NEDD8: variants seen among roughly 807,000 people sequenced by gnomAD.
NEDD8 encodes ubiquitin-like protein NEDD8.
A neutral mutation model predicts 13.8 loss-of-function variants in NEDD8; 1 was observed. The ratio of observed to expected loss-of-function variants is 0.07; its 90% CI spans 0.03 to 0.34. The LOEUF is 0.34. NEDD8 is among the 10% of genes least tolerant of loss of function. The pLI, the probability that NEDD8 is intolerant of heterozygous loss-of-function variation, is 0.99. For missense variants in NEDD8, 10 were observed against 95.2 expected (o/e 0.10, Z 3.73); for synonymous variants, 31 against 33.2 (o/e 0.93, Z 0.23).
chr14:24,218,365 G>A lies in NEDD8; in HGVS notation c.66+19C>T, dbSNP rs1000035965. On this transcript the variant is annotated intron_variant, in intron 2 of 3. Coordinates refer to ENST00000250495, the MANE Select transcript of NEDD8 (RefSeq NM_006156.3). ...ACACATGGCAAGAAGTACATGAAGAGGAGTTGGGCATGCATCACCTTGTCT... is the reference window on the plus strand; with the variant it reads ...ACACATGGCAAGAAGTACATGAAGAAGAGTTGGGCATGCATCACCTTGTCT... The A allele has an allele frequency of 3.1e-6, 5 of 1,614,106 alleles. No homozygotes were observed. Among genetic ancestry groups the A allele is most frequent in the Admixed American group, 3.3e-5 (2 of 59,992 alleles).
chr14:24,218,339 T>C (rs1180789218), intron 2 of NEDD8, 45 bp downstream of exon 2: 4 of 1,614,076 alleles, frequency 2.5e-6, no homozygotes, highest in Non-Finnish European at 2.5e-6. Context: ...TGCAAACAAA[T>C]ACACATGGCA....
At chr14:24,222,081 G>A (rs2039818768) in intron 1 of NEDD8, among the ~76,000 whole-genome samples, 1 of 152,126 alleles carries the variant, frequency 6.6e-6, no homozygotes, top group African/African-American at 2.4e-5. Context: ...AGAGCAATTT[G>A]GCAATATGGT....
At position 24,232,331 on chromosome 14, in the gene NEDD8, C is replaced by T. The variant is rs2040062755; in HGVS notation, c.-64G>A. 5 of 1,606,716 alleles carry T rather than the reference C, an allele frequency of 3.1e-6. No homozygotes were observed. Among genetic ancestry groups the T allele is most frequent in the East Asian group, 2.3e-5 (1 of 44,354 alleles). On this transcript the variant is annotated 5_prime_UTR_variant, in exon 1 of 4. Transcript: ENST00000250495. ...GCTCCTACCGCTCCGGTCGCCGCTG[C>T]CGCCCTCCAGCACTCTTGCCTGCAA...
At chr14:24,226,405 C>T (rs1404923177) in intron 1 of NEDD8, among the ~76,000 whole-genome samples, 1 of 149,162 alleles carries the variant, frequency 6.7e-6, no homozygotes, top group African/African-American at 2.5e-5. Context: ...GAGATCGTGC[C>T]ACCGCACTCC....
At chr14:24,221,876 G>A (rs1482260364) in intron 1 of NEDD8, among the ~76,000 whole-genome samples, 7 of 152,186 alleles carry the variant, frequency 4.6e-5, no homozygotes, top group Non-Finnish European at 4.4e-5. Context: ...GATTATAGAT[G>A]TGGGCCACCG....
chr14:24,218,559 T>C lies in NEDD8; in HGVS notation c.19-128A>G. 11 of 1,333,778 alleles carry C rather than the reference T, an allele frequency of 8.2e-6. No individual in the cohort carries two copies. The South Asian group carries it at 1.4e-4, about 16-fold the overall frequency. 82.6% of individuals were successfully genotyped at this position (1,333,778 alleles called of 1,614,324 possible). ...AGATGCATATTCTCAGCAGCACTGC[T>C]TTGGAGAATGAGAAGGCTTTGAACA... On this transcript the variant is annotated intron_variant, in intron 1 of 3. Transcript: ENST00000250495.
chr14:24,231,487 G>C (rs375765433), intron 1 of NEDD8, among the ~76,000 whole-genome samples: 1 of 142,266 alleles, frequency 7.0e-6, no homozygotes, highest in Non-Finnish European at 1.5e-5. Context: ...TTTTTTTGAG[G>C]GGGGCGTGGG....
chr14:24,225,621 T>C (rs964097479), intron 1 of NEDD8, among the ~76,000 whole-genome samples: 13 of 152,250 alleles, frequency 8.5e-5, no homozygotes, highest in Admixed American at 7.2e-4. Context: ...CCCTTCTCTT[T>C]CCTGATGTAT....
intron 1 of NEDD8, among the ~76,000 whole-genome samples, chr14:24,225,791 C>G (rs111322960): frequency 0.017 from 2,612 of 152,324 alleles, 72 homozygotes; most frequent in African/African-American, 0.056. Flanking sequence ...GTAATCCCAG[C>G]ACTTCGGGAG....
chr14:24,217,299 T>C (rs1186817772), intron 3 of NEDD8, 76 bp from the exon 4 acceptor site: 2 of 1,295,866 alleles, frequency 1.5e-6, no homozygotes, highest in African/African-American at 3.0e-5. Context: ...GTTGTTGTTG[T>C]TGTTGTTTTT....
chr14:24,231,938 G>C, intron 1 of NEDD8: 2 of 364,228 alleles, frequency 5.5e-6, no homozygotes, highest in South Asian at 1.1e-4. Context: ...GCCGCTGCTA[G>C]GCCTTCTCTA....
intron 1 of NEDD8, 146 bp downstream of exon 1, chr14:24,232,104 T>A: frequency 1.5e-6 from 2 of 1,324,150 alleles, no homozygotes; most frequent in Non-Finnish European, 2.1e-6. Flanking sequence ...GTCCCCCTAT[T>A]TCCCACCACC....
At chr14:24,224,618 T>C (rs567758151) in intron 1 of NEDD8, among the ~76,000 whole-genome samples, 1 of 152,370 alleles carries the variant, frequency 6.6e-6, no homozygotes, top group East Asian at 1.9e-4. Flanking sequence ...TTTTGGACAC[T>C]GTTCAAATAT....
intron 1 of NEDD8, 93 bp downstream of exon 1, chr14:24,232,157 G>A: frequency 1.3e-6 from 2 of 1,598,340 alleles, no homozygotes; most frequent in East Asian, 4.5e-5. Context: ...TCCAGGCTAG[G>A]GAAAGGCGTG....
rs527840809 is a variant in NEDD8 at position 24,231,336 on chromosome 14, G to C, written c.18+914C>G. On this transcript the variant is annotated intron_variant, in intron 1 of 3. Transcript: ENST00000250495. ...GACCTCAAATCTTAGCTAAGAAGTAGTTTGGAAGGACTGGGGAAGAGAAGG... is the reference window on the plus strand; with the variant it reads ...GACCTCAAATCTTAGCTAAGAAGTACTTTGGAAGGACTGGGGAAGAGAAGG... Among the ~76,000 whole-genome samples, 69 of 152,198 alleles carry C rather than the reference G, an allele frequency of 4.5e-4. 1 individual carries two copies. The highest frequency in any genetic ancestry group is 7.9e-4 in the Non-Finnish European group (54 of 68,026).
intron 1 of NEDD8, among the ~76,000 whole-genome samples, chr14:24,225,308 C>G (rs1024364983): frequency 6.6e-6 from 1 of 151,250 alleles, no homozygotes; most frequent in Non-Finnish European, 1.5e-5. Flanking sequence ...AACACATAAA[C>G]CAATGGCAAT....
intron 1 of NEDD8, among the ~76,000 whole-genome samples, chr14:24,219,444 C>T (rs1244997462): frequency 7.3e-6 from 1 of 136,520 alleles, no homozygotes; most frequent in Non-Finnish European, 1.5e-5. Context: ...CACGATTGTG[C>T]CACTGTACTC....
At chr14:24,228,719 CAAAAAAAAAAAAAA>C (rs11305549) in intron 1 of NEDD8, 1 of 69,800 alleles carries the variant, frequency 1.4e-5, no homozygotes, top group South Asian at 5.6e-4. Flanking sequence ...GAACCTGTCT[CAAAAAAAAAAAAAA>C]AAAAAAAAAG....
chr14:24,230,218 CAAAAAAAAAAAAA>C (rs560583502), intron 1 of NEDD8, among the ~76,000 whole-genome samples: 2 of 73,846 alleles, frequency 2.7e-5, no homozygotes, highest in Non-Finnish European at 4.8e-5. Context: ...GACTCTGTCT[CAAAAAAAAAAAAA>C]AAAAAAAAAA....
Sources: gnomAD v4.1 joint callset for allele counts (sites outside exome capture counted in the v4.1 genomes callset) on GRCh38, gnomAD v4.1.1 for gene constraint, MANE v1.5 for transcripts, NCBI Gene and HGNC (gene_info 2026-07-23, HGNC 2026-07-21) for gene names.